HELZ: variants seen among roughly 807,000 people sequenced by gnomAD.
HELZ encodes ATP-dependent RNA helicase with zinc finger domain.
Under a neutral mutation model 218.2 loss-of-function variants are expected in HELZ, and 23 were observed. The ratio of observed to expected loss-of-function variants is 0.11; its 90% CI spans 0.08 to 0.15. The LOEUF is 0.15. Ranked by LOEUF, HELZ falls within the 10% of genes least tolerant of loss-of-function variation. HELZ has a pLI of 1.00. For missense variants in HELZ, 1,813 were observed against 2,353.7 expected, an observed-to-expected ratio of 0.77 and a Z score of 4.75; for synonymous variants, 814 against 829.4, an observed-to-expected ratio of 0.98 and a Z score of 0.32.
chr17:67,219,885 T>C (rs2040699733), intron 3 of HELZ, among the ~76,000 whole-genome samples: 1 of 152,142 alleles, frequency 6.6e-6, no homozygotes, highest in African/African-American at 2.4e-5. Flanking sequence ...ACGTTGTTTC[T>C]CCCTAGCTAT....
chr17:67,116,190 T>TG (rs1363947473), intron 27 of HELZ, among the ~76,000 whole-genome samples: 7 of 149,432 alleles, frequency 4.7e-5, no homozygotes, highest in African/African-American at 1.7e-4. Flanking sequence ...GATAAGCCAA[T>TG]GGAGACAAAA....
At chr17:67,223,293 T>C (rs960977800) in intron 3 of HELZ, among the ~76,000 whole-genome samples, 1 of 151,722 alleles carries the variant, frequency 6.6e-6, no homozygotes, top group Non-Finnish European at 1.5e-5. Flanking sequence ...AAGTTGGGTC[T>C]CTAAGGATTT....
intron 17 of HELZ, among the ~76,000 whole-genome samples, chr17:67,157,049 T>C (rs2038863460): frequency 6.6e-6 from 1 of 152,166 alleles, no homozygotes; most frequent in South Asian, 2.1e-4. Context: ...CACTCTCACT[T>C]GCTCCTGATT....
At chr17:67,204,641 C>A (rs960128772) in intron 5 of HELZ, among the ~76,000 whole-genome samples, 1 of 151,836 alleles carries the variant, frequency 6.6e-6, no homozygotes, top group South Asian at 2.1e-4. Flanking sequence ...TTACATATAC[C>A]TTTTATTGAA....
chr17:67,201,104 A>G, intron 7 of HELZ, 25 bp downstream of exon 7: 1 of 1,536,228 alleles, frequency 6.5e-7, no homozygotes, highest in Non-Finnish European at 9.0e-7. Context: ...AACTCTTCCA[A>G]ACGGATCCAC....
At chr17:67,216,030 T>C in intron 4 of HELZ, 95 bp from the exon 5 acceptor site, 2 of 755,650 alleles carry the variant, frequency 2.6e-6, no homozygotes, top group Admixed American at 2.1e-5. Context: ...TTTCAAAGTT[T>C]AATCATTAAT....
intron 7 of HELZ, among the ~76,000 whole-genome samples, chr17:67,196,095 G>A (rs1014964948): frequency 1.9e-4 from 29 of 151,838 alleles, no homozygotes; most frequent in African/African-American, 6.8e-4. Flanking sequence ...CAGGTGATCC[G>A]CCCGCCTCGG....
chr17:67,089,696 G>GAGAGACAGAGAC (rs1555595460), intron 31 of HELZ, among the ~76,000 whole-genome samples: 1 of 122,672 alleles, frequency 8.2e-6, no homozygotes, highest in Non-Finnish European at 1.7e-5. Context: ...GAGAGAGAGA[G>GAGAGACAGAGAC]AGAGACAGAG....
At chr17:67,082,860 GTTTT>G (rs1181656722) in intron 32 of HELZ, among the ~76,000 whole-genome samples, 2 of 122,212 alleles carry the variant, frequency 1.6e-5, no homozygotes, top group Non-Finnish European at 3.5e-5. Flanking sequence ...TTTTTTTTTT[GTTTT>G]TTTTTTTTTT....
At chr17:67,155,085 C>CATT (rs969534577) in intron 17 of HELZ, among the ~76,000 whole-genome samples, 27 of 152,178 alleles carry the variant, frequency 1.8e-4, no homozygotes, top group African/African-American at 6.5e-4. Flanking sequence ...AGCTAAAAAA[C>CATT]ATTACCTCTT....
intron 26 of HELZ, among the ~76,000 whole-genome samples, chr17:67,121,874 A>C (rs967849814): frequency 3.7e-4 from 56 of 152,304 alleles, no homozygotes; most frequent in African/African-American, 1.2e-3. Flanking sequence ...AACTAGACTA[A>C]TCCAAGCCTG....
At chr17:67,184,019 AG>A (rs1266658160) in intron 12 of HELZ, among the ~76,000 whole-genome samples, 1 of 151,994 alleles carries the variant, frequency 6.6e-6, no homozygotes, top group Non-Finnish European at 1.5e-5. Context: ...AAAAAAAAAA[AG>A]AAACCCAAAA....
chr17:67,126,944 G>C (rs1598280084), intron 24 of HELZ, among the ~76,000 whole-genome samples: 1 of 152,048 alleles, frequency 6.6e-6, no homozygotes, highest in Non-Finnish European at 1.5e-5. Flanking sequence ...TCTTATACCG[G>C]GAGTCTTTTG....
intron 21 of HELZ, among the ~76,000 whole-genome samples, chr17:67,139,259 G>C (rs1297158233): frequency 6.6e-6 from 1 of 152,118 alleles, no homozygotes; most frequent in Non-Finnish European, 1.5e-5. Flanking sequence ...ACAGCAGCAA[G>C]TGTATCACAT....
At chr17:67,120,827 T>C (rs573141358) in intron 26 of HELZ, among the ~76,000 whole-genome samples, 68 of 152,330 alleles carry the variant, frequency 4.5e-4, no homozygotes, top group African/African-American at 1.6e-3. Context: ...ACCTTTAGTA[T>C]GTAATGGAAA....
At chr17:67,103,479 C>T (rs559536064) in intron 31 of HELZ, among the ~76,000 whole-genome samples, 1 of 152,120 alleles carries the variant, frequency 6.6e-6, no homozygotes, top group East Asian at 1.9e-4. Context: ...ATTAAGAAAA[C>T]AATTCCATTT....
At chr17:67,206,869 GA>G (rs1449127907) in intron 5 of HELZ, among the ~76,000 whole-genome samples, 1 of 151,852 alleles carries the variant, frequency 6.6e-6, no homozygotes, top group Non-Finnish European at 1.5e-5. Flanking sequence ...AAAGAGCTGG[GA>G]TTACAGGCGT....
intron 12 of HELZ, among the ~76,000 whole-genome samples, chr17:67,185,262 T>A (rs958829664): frequency 1.3e-5 from 2 of 152,230 alleles, no homozygotes; most frequent in South Asian, 4.1e-4. Context: ...AACAAATTGT[T>A]TGCCCATAAA....
At chr17:67,176,761 CAGCCCGGGAGGTTGAGGCTGCAGTG>C (rs1489475387) in intron 13 of HELZ, 1 of 152,266 alleles carries the variant, frequency 6.6e-6, no homozygotes, top group Non-Finnish European at 1.5e-5. Flanking sequence ...ATGATCACCC[CAGCCCGGGAGGTTGAGGCTGCAGTG>C]AGCCAAAACC....
Sources: allele counts gnomAD v4.1 joint callset (sites outside exome capture counted in the v4.1 genomes callset), GRCh38; gene constraint gnomAD v4.1.1; transcripts MANE v1.5; gene names NCBI Gene and HGNC (gene_info 2026-07-23, HGNC 2026-07-21).